Variants in CA8 observed in about 807,000 individuals in gnomAD.
CA8 encodes carbonic anhydrase-related protein.
Under a neutral mutation model 41.4 loss-of-function variants are expected in CA8, and 22 were observed. The observed-to-expected ratio is 0.53, with a 90% CI of 0.38 to 0.76. CA8 has a LOEUF of 0.76. CA8 is among the 30% of genes least tolerant of loss of function. The pLI, the probability that CA8 is intolerant of heterozygous loss-of-function variation, is 0.00. For missense variants in CA8, 270 were observed against 352.8 expected (o/e 0.77, Z 1.88); for synonymous variants, 121 against 130.6 (o/e 0.93, Z 0.50).
At chr8:60,205,862 A>G (rs1249152873) in intron 8 of CA8, among the ~76,000 whole-genome samples, 1 of 152,246 alleles carries the variant, frequency 6.6e-6, no homozygotes, top group Non-Finnish European at 1.5e-5. Flanking sequence ...GAGAACAACT[A>G]CCAGAGAAAT....
chr8:60,227,328 A>T (rs1179713946), intron 4 of CA8, among the ~76,000 whole-genome samples: 1 of 152,118 alleles, frequency 6.6e-6, no homozygotes, highest in Admixed American at 6.5e-5. Context: ...GTTCTAGTCC[A>T]TCTGAATGTC....
intron 3 of CA8, among the ~76,000 whole-genome samples, chr8:60,247,529 G>C (rs1353273627): frequency 6.6e-6 from 1 of 152,154 alleles, no homozygotes; most frequent in Non-Finnish European, 1.5e-5. Context: ...TCCTGTGTTA[G>C]GTTGCTGAGA....
chr8:60,226,569 G>A (rs927598563), intron 5 of CA8, among the ~76,000 whole-genome samples: 13 of 152,144 alleles, frequency 8.5e-5, no homozygotes, highest in African/African-American at 2.4e-4. Flanking sequence ...GTGAGCTTCC[G>A]TAGTTGTCAA....
chr8:60,230,083 G>T (rs1200410722), intron 4 of CA8, among the ~76,000 whole-genome samples: 1 of 152,120 alleles, frequency 6.6e-6, no homozygotes, highest in East Asian at 1.9e-4. Context: ...CGTTTTCTTT[G>T]CTCTATAAAT....
intron 8 of CA8, among the ~76,000 whole-genome samples, chr8:60,204,045 T>C (rs1206215219): frequency 1.3e-5 from 2 of 152,206 alleles, no homozygotes; most frequent in African/African-American, 4.8e-5. Flanking sequence ...ACCTCAAGTA[T>C]TTAATGCCTT....
intron 3 of CA8, among the ~76,000 whole-genome samples, chr8:60,249,911 G>A (rs1293499479): frequency 6.6e-6 from 1 of 152,182 alleles, no homozygotes; most frequent in Non-Finnish European, 1.5e-5. Flanking sequence ...ATTGATTACT[G>A]ATGTGGATAA....
rs1267385042 is a variant in CA8, at chr8:60,232,284, C to G, written c.513G>C (p.Gln171His). ...HGIAIIALFVQIGKEHVGLKA... is the reference protein window; with the variant it reads ...HGIAIIALFVHIGKEHVGLKA... ...ACGATAATCACAGCAGACCGTTTACCTGAACAAACAGAGCAATGATGGCGA... is the reference window on the plus strand; with the variant it reads ...ACGATAATCACAGCAGACCGTTTACGTGAACAAACAGAGCAATGATGGCGA... The change falls in exon 4 of 9, where the codon CAG becomes CAC. Residue 171 changes from glutamine (Q) to histidine (H), a missense_variant and splice_region_variant. By Grantham distance (24) the Gln-to-His change is conservative (BLOSUM62 0). Coordinates refer to ENST00000317995, the MANE Select transcript of CA8 (RefSeq NM_004056.6). The G allele has an allele frequency of 6.2e-7, 1 of 1,609,202 alleles. No individual in the cohort carries two copies. Among genetic ancestry groups the G allele is most frequent in the Non-Finnish European group, 8.5e-7 (1 of 1,175,574 alleles).
At chr8:60,279,561 T>C (rs1183555749) in intron 2 of CA8, 128 bp downstream of exon 2, 16 of 808,102 alleles carry the variant, frequency 2.0e-5, no homozygotes. Context: ...TATATTATAA[T>C]ACAAAGGTAT....
At chr8:60,269,235 A>G (rs75668155) in intron 2 of CA8, among the ~76,000 whole-genome samples, 5,117 of 152,048 alleles carry the variant, frequency 0.034, 281 homozygotes, top group African/African-American at 0.11. Flanking sequence ...TACTGCTTAC[A>G]TTTTTTTAAA....
At chr8:60,265,729 G>T (rs114888544) in intron 3 of CA8, 196 bp downstream of exon 3, 3 of 603,850 alleles carry the variant, frequency 5.0e-6, no homozygotes, top group Non-Finnish European at 5.8e-6. Context: ...ATGCGCACAC[G>T]CCAAGCCACG....
intron 5 of CA8, among the ~76,000 whole-genome samples, chr8:60,225,927 C>A (rs1451933628): frequency 6.6e-6 from 1 of 152,018 alleles, no homozygotes; most frequent in Non-Finnish European, 1.5e-5. Flanking sequence ...ATCAAGACCA[C>A]CCTGGCCAAC....
At chr8:60,215,273 A>G (rs1352821709) in intron 7 of CA8, among the ~76,000 whole-genome samples, 1 of 152,068 alleles carries the variant, frequency 6.6e-6, no homozygotes, top group Non-Finnish European at 1.5e-5. Flanking sequence ...GAATGCTTAG[A>G]CGGTTGTTTA....
intron 3 of CA8, among the ~76,000 whole-genome samples, chr8:60,234,694 C>G (rs1313982828): frequency 6.6e-6 from 1 of 152,180 alleles, no homozygotes; most frequent in Admixed American, 6.5e-5. Context: ...GCAACAGCAG[C>G]TCTCCCACGC....
chr8:60,280,973 G>A, intron 1 of CA8, 75 bp downstream of exon 1: 2 of 1,071,068 alleles, frequency 1.9e-6, no homozygotes, highest in South Asian at 2.5e-5. Flanking sequence ...AGCGGCAGCA[G>A]GACTCGAGTC....
intron 5 of CA8, among the ~76,000 whole-genome samples, chr8:60,226,056 A>C (rs975546655): frequency 1.1e-4 from 17 of 152,186 alleles, no homozygotes; most frequent in African/African-American, 3.6e-4. Context: ...CTTCTCTTGG[A>C]TATTATCTTA....
intron 7 of CA8, among the ~76,000 whole-genome samples, chr8:60,214,551 G>A (rs1289893888): frequency 1.3e-5 from 2 of 152,280 alleles, no homozygotes; most frequent in East Asian, 1.9e-4. Flanking sequence ...GTGGCCCTAC[G>A]GCAACCTGGA....
chr8:60,194,152 AAT>A (rs1806211955), intron 8 of CA8, among the ~76,000 whole-genome samples: 6 of 152,042 alleles, frequency 3.9e-5, no homozygotes, highest in Admixed American at 3.3e-4. Flanking sequence ...TACCTCTCCA[AAT>A]ATATGAGTGA....
chr8:60,235,716 G>C (rs918903960), intron 3 of CA8, among the ~76,000 whole-genome samples: 2 of 152,202 alleles, frequency 1.3e-5, no homozygotes, highest in Non-Finnish European at 2.9e-5. Flanking sequence ...GGTAGCTAGA[G>C]GGTACATAAG....
At chr8:60,275,723 C>G (rs893057049) in intron 2 of CA8, among the ~76,000 whole-genome samples, 8 of 151,980 alleles carry the variant, frequency 5.3e-5, no homozygotes, top group Non-Finnish European at 1.0e-4. Context: ...ATTATCTTGA[C>G]TGGAAAAACC....
Sources: gnomAD v4.1 joint callset for allele counts (sites outside exome capture counted in the v4.1 genomes callset) on GRCh38, gnomAD v4.1.1 for gene constraint, MANE v1.5 for transcripts, NCBI Gene and HGNC (gene_info 2026-07-23, HGNC 2026-07-21) for gene names.